The following TEAD4 variants were observed in gnomAD, a reference collection of about 807,000 sequenced individuals.
TEAD4 encodes TEA domain transcription factor 4.
A neutral mutation model predicts 52.4 loss-of-function variants in TEAD4; 36 were observed. The ratio of observed to expected loss-of-function variants is 0.69; its 90% CI spans 0.53 to 0.91. TEAD4 has a LOEUF of 0.91. TEAD4 is among the 40% of genes least tolerant of loss of function. The probability of loss-of-function intolerance (pLI) is 0.00; values close to 1 mark genes in which losing one functional copy is unlikely to be tolerated. For synonymous variants in TEAD4, 220 were observed against 231.0 expected (o/e 0.95, Z 0.43); for missense variants, 508 against 583.9 (o/e 0.87, Z 1.34).
At chr12:3,030,235 C>A (rs116193287) in intron 10 of TEAD4, among the ~76,000 whole-genome samples, 1 of 152,120 alleles carries the variant, frequency 6.6e-6, no homozygotes, top group Admixed American at 6.6e-5. Context: ...CAGGGTCTTG[C>A]TATGTTGCCC....
At position 3,020,635 on chromosome 12, in the gene TEAD4, G is replaced by A. The variant is rs773378918; in HGVS notation, c.585G>A (p.Gly195=). Residue 195 remains glycine (G), a splice_region_variant and synonymous_variant, in exon 9 of 13, where the codon GGG becomes GGA. Coordinates refer to ENST00000359864, the MANE Select transcript of TEAD4 (RefSeq NM_003213.4). ...ATGTGCCTTTCTCACTTTGTGCAGG[G>A]TTTGAGTCTCCTGCAGGGCCCGCCC... 3.2e-6 allele frequency: 5 copies of A among 1,560,288 alleles called. No homozygotes were observed. The highest frequency in any genetic ancestry group is 3.5e-6 in the Non-Finnish European group (4 of 1,151,124).
intron 2 of TEAD4, among the ~76,000 whole-genome samples, chr12:2,979,371 G>A (rs1370919447): frequency 3.9e-5 from 6 of 152,140 alleles, no homozygotes; most frequent in South Asian, 2.1e-4. Flanking sequence ...CAGCACTTCC[G>A]CACTATGCTT....
intron 3 of TEAD4, among the ~76,000 whole-genome samples, chr12:2,998,157 T>C (rs1347390331): frequency 6.6e-6 from 1 of 152,180 alleles, no homozygotes; most frequent in East Asian, 1.9e-4. Context: ...TTATCTGTAT[T>C]ATAACCTAGG....
chr12:2,985,228 CA>C (rs960778546), intron 2 of TEAD4, among the ~76,000 whole-genome samples: 1 of 151,524 alleles, frequency 6.6e-6, no homozygotes, highest in African/African-American at 2.4e-5. Flanking sequence ...ACTAAAAATA[CA>C]AAAAAACTAG....
chr12:2,964,745 T>C (rs1331707343), intron 2 of TEAD4, among the ~76,000 whole-genome samples: 1 of 152,004 alleles, frequency 6.6e-6, no homozygotes. Context: ...GTGCTGGGAT[T>C]ACAGGCGTGA....
chr12:2,986,392 C>T (rs1475993596), intron 2 of TEAD4, among the ~76,000 whole-genome samples: 1 of 151,980 alleles, frequency 6.6e-6, no homozygotes, highest in Non-Finnish European at 1.5e-5. Context: ...AATCCCAGTC[C>T]TTTGGGAGGT....
chr12:2,963,457 G>A (rs895844658), intron 2 of TEAD4, among the ~76,000 whole-genome samples: 31 of 152,282 alleles, frequency 2.0e-4, no homozygotes, highest in Non-Finnish European at 3.4e-4. Context: ...GGGGTTGGAC[G>A]ACAGCTCCCT....
At chr12:2,992,046 TCTCG>T (rs1259057234) in intron 2 of TEAD4, among the ~76,000 whole-genome samples, 3 of 108,062 alleles carry the variant, frequency 2.8e-5, no homozygotes, top group African/African-American at 9.1e-5. Context: ...TGAGGCGGAG[TCTCG>T]CTCTGTCGCC....
chr12:3,040,497 AG>A lies in TEAD4; in HGVS notation c.*25del, dbSNP rs765209384. 27 of 1,603,198 alleles carry A rather than the reference AG, an allele frequency of 1.7e-5. No homozygotes were observed. The African/African-American group carries it at 3.0e-4, about 18-fold the overall frequency. On this transcript the variant is annotated 3_prime_UTR_variant, in exon 13 of 13. Coordinates refer to ENST00000359864, the MANE Select transcript of TEAD4 (RefSeq NM_003213.4). ...AGAATGAGAGACTCGGGGAGCAGGGAGGGGGGAAGAGACGTGTGTGCAGGAA... is the reference window on the plus strand; with the variant it reads ...AGAATGAGAGACTCGGGGAGCAGGGAGGGGGAAGAGACGTGTGTGCAGGAA...
chr12:3,038,823 G>A (rs148321697), intron 11 of TEAD4, among the ~76,000 whole-genome samples: 1 of 152,256 alleles, frequency 6.6e-6, no homozygotes, highest in African/African-American at 2.4e-5. Context: ...TCCGTGACAC[G>A]GTCTCCTGCA....
At chr12:3,001,776 C>CAA (rs201617310) in intron 3 of TEAD4, among the ~76,000 whole-genome samples, 39 of 128,602 alleles carry the variant, frequency 3.0e-4, no homozygotes, top group South Asian at 1.0e-3. Flanking sequence ...GACTCTGTCT[C>CAA]AAAAAAAAAA....
intron 2 of TEAD4, among the ~76,000 whole-genome samples, chr12:2,985,643 T>G (rs1389954008): frequency 6.7e-6 from 1 of 150,252 alleles, no homozygotes; most frequent in Admixed American, 6.7e-5. Flanking sequence ...GTAGCTGGGA[T>G]TATAGGTGCG....
intron 3 of TEAD4, among the ~76,000 whole-genome samples, chr12:3,003,377 T>C (rs2153956026): frequency 6.6e-6 from 1 of 152,262 alleles, no homozygotes; most frequent in African/African-American, 2.4e-5. Flanking sequence ...TAACAGTTTA[T>C]GGTCTAGGGG....
intron 2 of TEAD4, among the ~76,000 whole-genome samples, chr12:2,988,081 CAAAAT>C (rs1025343401): frequency 1.8e-4 from 27 of 151,410 alleles, no homozygotes; most frequent in East Asian, 4.0e-4. Context: ...AAAACAAAAA[CAAAAT>C]AAAATAAAAT....
In TEAD4 at chr12:2,964,016, A is replaced by C. The variant is rs549557497; in HGVS notation, c.-30+3976A>C. Among the ~76,000 whole-genome samples the C allele has an allele frequency of 4.7e-5, 7 of 148,386 alleles. No homozygotes were observed. In the South Asian group the frequency reaches 1.3e-3, roughly 28 times the overall value. On this transcript the variant is annotated intron_variant, in intron 2 of 12. Coordinates refer to ENST00000359864, the MANE Select transcript of TEAD4 (RefSeq NM_003213.4). ...GAGCCAGGGGTGACCCTCCTGGGGG[A>C]TGGGATTGCATATCCGGTAGAGGGT...
intron 10 of TEAD4, among the ~76,000 whole-genome samples, chr12:3,032,639 C>G (rs924701630): frequency 6.6e-6 from 1 of 152,166 alleles, no homozygotes. Context: ...CTGAAGACCC[C>G]GTGTATGTGG....
intron 2 of TEAD4, among the ~76,000 whole-genome samples, chr12:2,993,982 G>A (rs1342514830): frequency 6.6e-6 from 1 of 152,144 alleles, no homozygotes; most frequent in Admixed American, 6.5e-5. Context: ...TGGACACTTG[G>A]TTTGCTTCTA....
chr12:3,009,782 C>T (rs1460885469), intron 3 of TEAD4, among the ~76,000 whole-genome samples: 1 of 152,260 alleles, frequency 6.6e-6, no homozygotes. Context: ...CCCACTCCTT[C>T]CTCTGACACA....
intron 10 of TEAD4, among the ~76,000 whole-genome samples, chr12:3,034,166 C>T (rs1052361260): frequency 6.6e-6 from 1 of 151,888 alleles, no homozygotes; most frequent in Non-Finnish European, 1.5e-5. Context: ...GCACTGCTGG[C>T]CTGGGCTGGA....
Sources: allele counts gnomAD v4.1 joint callset (sites outside exome capture counted in the v4.1 genomes callset), GRCh38; gene constraint gnomAD v4.1.1; transcripts MANE v1.5; gene names NCBI Gene and HGNC (gene_info 2026-07-23, HGNC 2026-07-21).